Variants in PDHX observed in about 807,000 individuals in gnomAD.
The protein encoded by PDHX is pyruvate dehydrogenase protein X component, mitochondrial.
A neutral mutation model predicts 55.3 loss-of-function variants in PDHX; 33 were observed. The ratio of observed to expected loss-of-function variants is 0.60; its 90% CI spans 0.45 to 0.80. The LOEUF is 0.80. Ranked by LOEUF, PDHX falls within the 30% of genes least tolerant of loss-of-function variation. PDHX has a pLI of 0.00. For missense variants in PDHX, 622 were observed against 619.9 expected (o/e 1.00, Z -0.04); for synonymous variants, 226 against 219.4 (o/e 1.03, Z -0.27).
Position 34,916,748 on chromosome 11 carries a change from G to C in PDHX, c.93G>C (p.Gly31=). 1 of 1,612,946 alleles carries C rather than the reference G, an allele frequency of 6.2e-7. No homozygotes were observed. Among genetic ancestry groups the C allele is most frequent in the Non-Finnish European group, 8.5e-7 (1 of 1,179,672 alleles). The change falls in exon 1 of 11, where the codon GGG becomes GGC. Residue 31 remains glycine (G), a synonymous_variant. Coordinates refer to ENST00000227868, the MANE Select transcript of PDHX (RefSeq NM_003477.3). ...PGRRSVGLVK[G]ALGWSVSRGA... is the part of the protein sequence containing the mutation. The stretch of plus-strand genomic sequence containing the variant: ...GCCGAAGCGTAGGGCTGGTGAAGGG[G>C]GCTCTTGGGTGGTCTGTAAGCCGCG...
intron 5 of PDHX, among the ~76,000 whole-genome samples, chr11:34,960,728 TA>T (rs546227552): frequency 9.9e-5 from 15 of 152,228 alleles, no homozygotes; most frequent in Non-Finnish European, 1.3e-4. Flanking sequence ...AGAACAGCTC[TA>T]ATTTGGTAAC....
chr11:34,940,238 A>G (rs886513463), intron 2 of PDHX, among the ~76,000 whole-genome samples: 1 of 152,238 alleles, frequency 6.6e-6, no homozygotes. Flanking sequence ...CGTAGTAAGC[A>G]TGCTTAACAG....
intron 3 of PDHX, among the ~76,000 whole-genome samples, chr11:34,951,049 CTTTTTTTTTT>C (rs1179399887): frequency 2.3e-4 from 20 of 88,598 alleles, no homozygotes; most frequent in Admixed American, 8.4e-4. Flanking sequence ...TGTTTCCTGA[CTTTTTTTTTT>C]TTTTTTTTTT....
Position 34,969,026 on chromosome 11 carries a change from A to G in PDHX, c.817-1113A>G, listed in dbSNP as rs549612214. 2.6e-5 allele frequency among the ~76,000 whole-genome samples: 4 copies of G among 152,372 alleles called. No homozygotes were observed. The South Asian group carries it at 6.2e-4, about 24-fold the overall frequency. ...GCAGTATTTCCTTGCAATGCTGGGCAGTAGCGGCTAGCCACAGCTCCAAGT... is the reference window on the plus strand; with the variant it reads ...GCAGTATTTCCTTGCAATGCTGGGCGGTAGCGGCTAGCCACAGCTCCAAGT... On this transcript the variant is annotated intron_variant, in intron 6 of 10. Transcript: ENST00000227868.
chr11:34,981,287 G>A lies in PDHX; in HGVS notation c.1023+3105G>A, dbSNP rs1855507293. Among the ~76,000 whole-genome samples, 4 of 152,216 alleles carry A rather than the reference G, an allele frequency of 2.6e-5. No individual in the cohort carries two copies. The South Asian group carries it at 8.3e-4, about 32-fold the overall frequency. ...GTCCTTGAGGTAGTTTGCCGAGAAT[G>A]ATGGTTTCCAGCTTCATCCATGTCC... On this transcript the variant is annotated intron_variant, in intron 8 of 10. Transcript: ENST00000227868.
At position 34,957,023 on chromosome 11, in the gene PDHX, C is replaced by A. The variant is rs957718230; in HGVS notation, c.343-361C>A. Among the ~76,000 whole-genome samples, 3 of 152,132 alleles carry A rather than the reference C, an allele frequency of 2.0e-5. No individual in the cohort carries two copies. In the East Asian group the frequency reaches 5.8e-4, roughly 29 times the overall value. ...TTGCATAGAAACTCTCTGGGAAAGA[C>A]AAATGGTTAAGATATGTAGCCACAG... On this transcript the variant is annotated intron_variant, in intron 3 of 10. Transcript: ENST00000227868.
Position 34,978,193 on chromosome 11 carries a change from G to A in PDHX, c.1023+11G>A, listed in dbSNP as rs760719830. ...GCTGTTACCCTTAAAGTAAGTAGCA[G>A]ACTTCAAATGATTTTGTCTTCTTAA... On this transcript the variant is annotated intron_variant, in intron 8 of 10. Coordinates refer to ENST00000227868, the MANE Select transcript of PDHX (RefSeq NM_003477.3). 6.8e-7 allele frequency: 1 copy of A among 1,465,120 alleles called. No homozygotes were observed. Among genetic ancestry groups the A allele is most frequent in the East Asian group, 2.3e-5 (1 of 43,960 alleles). 90.8% of individuals were successfully genotyped at this position (1,465,120 alleles called of 1,614,324 possible).
chr11:34,945,077 AAAGTT>A (rs1854590544), intron 2 of PDHX, among the ~76,000 whole-genome samples: 1 of 152,160 alleles, frequency 6.6e-6, no homozygotes, highest in Non-Finnish European at 1.5e-5. Flanking sequence ...TTTTGCCAAT[AAAGTT>A]TAGTATTATT....
chr11:34,982,828 G>A (rs9666905), intron 8 of PDHX, among the ~76,000 whole-genome samples: 7,339 of 152,128 alleles, frequency 0.048, 559 homozygotes, highest in African/African-American at 0.17. Context: ...ATTCACAGCC[G>A]AATTCTACCA....
intron 1 of PDHX, among the ~76,000 whole-genome samples, chr11:34,920,416 G>A (rs1853846357): frequency 6.6e-6 from 1 of 152,124 alleles, no homozygotes; most frequent in Admixed American, 6.5e-5. Flanking sequence ...CATATCTAAG[G>A]AAGCTAGTAA....
chr11:34,958,970 A>G (rs184470943), intron 4 of PDHX, among the ~76,000 whole-genome samples: 311 of 152,222 alleles, frequency 2.0e-3, no homozygotes, highest in Non-Finnish European at 3.8e-3. Flanking sequence ...AAGATTTAGT[A>G]ACATTGGGCC....
At chr11:34,938,386 A>C (rs1474331026) in intron 2 of PDHX, among the ~76,000 whole-genome samples, 2 of 152,248 alleles carry the variant, frequency 1.3e-5, no homozygotes, top group African/African-American at 4.8e-5. Flanking sequence ...CCAGTACCCC[A>C]TTGGAAAGCA....
At chr11:34,974,308 C>G (rs968521840) in intron 7 of PDHX, among the ~76,000 whole-genome samples, 1 of 152,152 alleles carries the variant, frequency 6.6e-6, no homozygotes, top group African/African-American at 2.4e-5. Context: ...GGCATTATGT[C>G]TTCAGGGTTC....
At chr11:34,976,510 C>G (rs1855378054) in intron 7 of PDHX, among the ~76,000 whole-genome samples, 1 of 152,158 alleles carries the variant, frequency 6.6e-6, no homozygotes, top group African/African-American at 2.4e-5. Context: ...ATATACAAGT[C>G]TGAAGCCTCA....
chr11:34,988,832 G>C (rs1037507018), intron 9 of PDHX, among the ~76,000 whole-genome samples: 3 of 152,216 alleles, frequency 2.0e-5, no homozygotes, highest in Non-Finnish European at 2.9e-5. Flanking sequence ...GATGAGTACT[G>C]TACAAGCTAT....
intron 1 of PDHX, among the ~76,000 whole-genome samples, chr11:34,918,447 A>G (rs994071865): frequency 6.6e-6 from 1 of 151,958 alleles, no homozygotes; most frequent in Non-Finnish European, 1.5e-5. Flanking sequence ...AGGAGAAAAA[A>G]AAAAAAAAGT....
At chr11:34,917,567 T>G (rs1853762344) in intron 1 of PDHX, among the ~76,000 whole-genome samples, 1 of 152,166 alleles carries the variant, frequency 6.6e-6, no homozygotes, top group Non-Finnish European at 1.5e-5. Context: ...AGAATAGGAC[T>G]GACGTTTTTT....
chr11:34,959,753 G>T (rs1854982515), intron 4 of PDHX, among the ~76,000 whole-genome samples: 1 of 152,118 alleles, frequency 6.6e-6, no homozygotes, highest in South Asian at 2.1e-4. Flanking sequence ...GATAAATGCT[G>T]CATGGATAAA....
chr11:34,934,962 G>C (rs1195335147), intron 2 of PDHX, among the ~76,000 whole-genome samples: 1 of 151,892 alleles, frequency 6.6e-6, no homozygotes, highest in Non-Finnish European at 1.5e-5. Flanking sequence ...TATAAGAGAT[G>C]TGAGATGAAA....
Sources: gnomAD v4.1 joint callset for allele counts (sites outside exome capture counted in the v4.1 genomes callset) on GRCh38, gnomAD v4.1.1 for gene constraint, MANE v1.5 for transcripts, NCBI Gene and HGNC (gene_info 2026-07-23, HGNC 2026-07-21) for gene names.